The following CWC15 variants were observed in gnomAD, a reference collection of about 807,000 sequenced individuals.
The protein encoded by CWC15 is CWC15 spliceosome associated protein, also known as spliceosome-associated protein CWC15 homolog.
Under a neutral mutation model 28.4 loss-of-function variants are expected in CWC15, and 12 were observed. The observed-to-expected ratio is 0.42, with a 90% CI of 0.27 to 0.69. The LOEUF (loss-of-function observed/expected upper bound fraction) is 0.69, where lower values mean the gene tolerates loss of function less well. Ranked by LOEUF, CWC15 falls within the 30% of genes least tolerant of loss-of-function variation. CWC15 has a pLI of 0.23. For missense variants in CWC15, 192 were observed against 271.5 expected (o/e 0.71, Z 2.06); for synonymous variants, 92 against 88.4 (o/e 1.04, Z -0.23).
At chr11:94,968,506 C>G (rs1857676189) in intron 5 of CWC15, among the ~76,000 whole-genome samples, 1 of 152,178 alleles carries the variant, frequency 6.6e-6, no homozygotes, top group African/African-American at 2.4e-5. Flanking sequence ...TTAAATTGCT[C>G]ATCTCTATGT....
chr11:94,969,229 A>G (rs1857685449), intron 5 of CWC15, among the ~76,000 whole-genome samples: 1 of 152,132 alleles, frequency 6.6e-6, no homozygotes, highest in Non-Finnish European at 1.5e-5. Context: ...AACTCCTATC[A>G]TACAAGCTAA....
chr11:94,965,112 C>A (rs1208338869), intron 6 of CWC15, among the ~76,000 whole-genome samples: 3 of 152,044 alleles, frequency 2.0e-5, no homozygotes, highest in Admixed American at 6.5e-5. Context: ...ATGCATCACT[C>A]CAGAGGGGAA....
At chr11:94,963,972 A>ACATCT (rs1282079308) in intron 6 of CWC15, among the ~76,000 whole-genome samples, 1 of 152,092 alleles carries the variant, frequency 6.6e-6, no homozygotes, top group Non-Finnish European at 1.5e-5. Context: ...CATCTACTGT[A>ACATCT]ATATCCACAT....
chr11:94,970,794 C>T, intron 4 of CWC15, 183 bp downstream of exon 4: 2 of 583,578 alleles, frequency 3.4e-6, no homozygotes, highest in South Asian at 2.1e-5. Flanking sequence ...TCTTAAAGTC[C>T]CACAAAATAA....
intron 6 of CWC15, among the ~76,000 whole-genome samples, chr11:94,965,295 C>T (rs1238021973): frequency 3.3e-5 from 5 of 152,216 alleles, no homozygotes; most frequent in East Asian, 1.9e-4. Flanking sequence ...GGTTCCTTGA[C>T]GAATGCATAT....
intron 1 of CWC15, 120 bp downstream of exon 1, chr11:94,973,377 GC>G: frequency 6.5e-6 from 1 of 152,988 alleles, no homozygotes; most frequent in Non-Finnish European, 1.5e-5. Context: ...TCCGCCCCTA[GC>G]CCGCTGCTCC....
chr11:94,963,277 G>T lies in CWC15; in HGVS notation c.*108C>A. 1 of 823,934 alleles carries T rather than the reference G, an allele frequency of 1.2e-6. No individual in the cohort carries two copies. 51.0% of individuals were successfully genotyped at this position (823,934 alleles called of 1,614,324 possible). Reference sequence around the variant, plus strand: ...GAAAAAGATAGGAGTTTAAAACTGGGGAAGCCCACACACAATTTAGACAGG... The same window carrying T: ...GAAAAAGATAGGAGTTTAAAACTGGTGAAGCCCACACACAATTTAGACAGG... On this transcript the variant is annotated 3_prime_UTR_variant, in exon 7 of 7. Transcript: ENST00000279839.
intron 4 of CWC15, chr11:94,970,339 A>T (rs1360634980): frequency 7.3e-5 from 25 of 342,692 alleles, no homozygotes; most frequent in Non-Finnish European, 1.3e-4. Flanking sequence ...TTTAACTATT[A>T]TGAGTAACTC....
intron 6 of CWC15, 69 bp downstream of exon 6, chr11:94,966,226 T>TACACACACACACACACACACACACAC (rs58215154): frequency 1.6e-6 from 1 of 608,050 alleles, no homozygotes; most frequent in African/African-American, 2.0e-5. Flanking sequence ...CATACACATA[T>TACACACACACACACACACACACACAC]ACACACACAC....
At chr11:94,971,546 A>G in intron 2 of CWC15, 59 bp from the exon 3 acceptor site, 1 of 993,820 alleles carries the variant, frequency 1.0e-6, no homozygotes, top group African/African-American at 1.6e-5. Flanking sequence ...ACACACACAC[A>G]GAGACTGTAG....
chr11:94,969,894 T>G, intron 5 of CWC15, 95 bp downstream of exon 5: 1 of 621,352 alleles, frequency 1.6e-6, no homozygotes, highest in Non-Finnish European at 2.6e-6. Context: ...GTAAAGGAGA[T>G]TTCTAATATA....
Position 94,963,389 on chromosome 11 carries a change from T to C in CWC15, c.686A>G (p.Lys229Arg), listed in dbSNP as rs781914175. The C allele has an allele frequency of 1.3e-6, 2 of 1,578,396 alleles. No homozygotes were observed. Among genetic ancestry groups the C allele is most frequent in the Non-Finnish European group, 1.7e-6 (2 of 1,159,690 alleles). ...FHKKFMEKYI[K>R] ...AATTAAGCACATAAAACTGTACTATTTAATATATTTCTCCATGAACTTTTT... is the reference window on the plus strand; with the variant it reads ...AATTAAGCACATAAAACTGTACTATCTAATATATTTCTCCATGAACTTTTT... Residue 229 changes from lysine (K) to arginine (R), a missense_variant, in exon 7 of 7, where the codon AAA becomes AGA. Around this residue, in one of 2 missense-constraint regions of CWC15, gnomAD observed 188 missense variants for 250.3 expected, o/e 0.75. Transcript: ENST00000279839.
chr11:94,969,566 A>C (rs1419272572), intron 5 of CWC15, among the ~76,000 whole-genome samples: 2 of 151,484 alleles, frequency 1.3e-5, no homozygotes, highest in African/African-American at 4.8e-5. Flanking sequence ...GTGGGGGCTC[A>C]GAGAAGTTAG....
At chr11:94,970,755 A>G (rs1857707661) in intron 4 of CWC15, 1 of 532,358 alleles carries the variant, frequency 1.9e-6, no homozygotes, top group Non-Finnish European at 3.4e-6. Flanking sequence ...GATTCCTTCC[A>G]TATTTGGTTC....
rs964685650 is a variant in CWC15, at chr11:94,970,804, A to G, written c.333+173T>C. On this transcript the variant is annotated intron_variant, in intron 4 of 6. Coordinates refer to ENST00000279839, the MANE Select transcript of CWC15 (RefSeq NM_016403.4). ...CTTGTTCTTAAAGTCCCACAAAATA[A>G]TACTTTTGATTTTAAAATCAACTAT... The G allele has an allele frequency of 4.9e-6, 3 of 607,722 alleles. No individual in the cohort carries two copies. The African/African-American group carries it at 5.6e-5, about 11-fold the overall frequency. 37.6% of individuals were successfully genotyped at this position (607,722 alleles called of 1,614,324 possible).
Position 94,966,259 on chromosome 11 carries a change from A to T in CWC15, c.560+36T>A, listed in dbSNP as rs1590957483. On this transcript the variant is annotated intron_variant, in intron 6 of 6. Transcript: ENST00000279839. ...CACACACACACACACACACACACAC[A>T]CACACACACTCCATTACTCCGTTAC... The T allele has an allele frequency of 1.1e-6, 1 of 905,332 alleles. No homozygotes were observed. The highest frequency in any genetic ancestry group is 1.7e-6 in the Non-Finnish European group (1 of 578,220). 56.1% of individuals were successfully genotyped at this position (905,332 alleles called of 1,614,324 possible).
chr11:94,970,909 C>T (rs1857710264), intron 4 of CWC15, 68 bp downstream of exon 4: 3 of 1,265,800 alleles, frequency 2.4e-6, no homozygotes, highest in Non-Finnish European at 3.5e-6. Flanking sequence ...AAAGCAAAGA[C>T]ATAACAAGTA....
intron 6 of CWC15, 78 bp from the exon 7 acceptor site, chr11:94,963,592 TAGTC>T (rs1184154547): frequency 2.4e-6 from 3 of 1,271,992 alleles, no homozygotes; most frequent in Non-Finnish European, 3.2e-6. Flanking sequence ...CTGCAAGGCT[TAGTC>T]AGTTACACAG....
chr11:94,966,174 C>A lies in CWC15; in HGVS notation c.560+121G>T, dbSNP rs118043786. On this transcript the variant is annotated intron_variant, in intron 6 of 6. Transcript: ENST00000279839. ...ACTTTTAGAAGCTTTTTACAATGCACCTTGCTATCCAACTTATAATCTGCA... is the reference window on the plus strand; with the variant it reads ...ACTTTTAGAAGCTTTTTACAATGCAACTTGCTATCCAACTTATAATCTGCA... 6.5e-5 allele frequency: 39 copies of A among 603,640 alleles called. No individual in the cohort carries two copies. The East Asian group carries it at 1.3e-3, about 20-fold the overall frequency. 37.4% of individuals were successfully genotyped at this position (603,640 alleles called of 1,614,324 possible).
Sources: allele counts gnomAD v4.1 joint callset (sites outside exome capture counted in the v4.1 genomes callset), GRCh38; gene constraint gnomAD v4.1.1; regional missense constraint gnomAD v4.1.1; transcripts MANE v1.5; gene names NCBI Gene and HGNC (gene_info 2026-07-23, HGNC 2026-07-21).